The following ARID4B variants were observed in gnomAD, a reference collection of about 807,000 sequenced individuals.
ARID4B encodes AT-rich interaction domain 4B, also known as AT-rich interactive domain-containing protein 4B.
ARID4B carries 26 observed loss-of-function variants against 147.5 expected under a neutral mutation model. The observed-to-expected ratio is 0.18, with a 90% CI of 0.13 to 0.24. ARID4B has a LOEUF of 0.24. Among genes scored for constraint, ARID4B ranks in the 10% least tolerant of loss-of-function variants. ARID4B has a pLI of 1.00. For synonymous variants in ARID4B, 512 were observed against 507.9 expected (o/e 1.01, Z -0.11); for missense variants, 1,179 against 1,511.5 (o/e 0.78, Z 3.65).
At chr1:235,291,881 G>A (rs1208358227) in intron 2 of ARID4B, among the ~76,000 whole-genome samples, 2 of 152,188 alleles carry the variant, frequency 1.3e-5, no homozygotes, top group Non-Finnish European at 2.9e-5. Flanking sequence ...AAGGGTAGGA[G>A]AGATAGGGAA....
chr1:235,197,125 A>G (rs1317945415), intron 17 of ARID4B, among the ~76,000 whole-genome samples: 1 of 150,232 alleles, frequency 6.7e-6, no homozygotes, highest in Non-Finnish European at 1.5e-5. Context: ...GTTTAAAGCA[A>G]AAAAAAAAGA....
chr1:235,169,206 A>G (rs1034190776), intron 23 of ARID4B, among the ~76,000 whole-genome samples: 1 of 151,880 alleles, frequency 6.6e-6, no homozygotes, highest in African/African-American at 2.4e-5. Context: ...CATCAGAGGA[A>G]GTCTCTCACT....
intron 17 of ARID4B, among the ~76,000 whole-genome samples, chr1:235,208,675 T>TG (rs886231131): frequency 2.3e-4 from 30 of 131,920 alleles, no homozygotes; most frequent in Admixed American, 8.3e-4. Flanking sequence ...GCTAATTTTG[T>TG]GTTTTTTTTT....
At chr1:235,307,008 A>T (rs1673618478) in intron 2 of ARID4B, among the ~76,000 whole-genome samples, 1 of 152,194 alleles carries the variant, frequency 6.6e-6, no homozygotes. Context: ...CCTCCCCTTC[A>T]CTACCTCCAT....
chr1:235,169,647 T>C (rs1021470658), intron 23 of ARID4B, among the ~76,000 whole-genome samples: 4 of 150,404 alleles, frequency 2.7e-5, no homozygotes, highest in Non-Finnish European at 5.9e-5. Flanking sequence ...GCCATTCTCC[T>C]GCCTCAGCCT....
intron 5 of ARID4B, among the ~76,000 whole-genome samples, chr1:235,255,265 A>AGATAGATAGATAGATCTATCTATCTATC: frequency 1.5e-5 from 1 of 64,586 alleles, no homozygotes; most frequent in African/African-American, 6.9e-5. Context: ...ATAGATAGAT[A>AGATAGATAGATAGATCTATCTATCTATC]TATATCTCTC....
intron 17 of ARID4B, among the ~76,000 whole-genome samples, chr1:235,212,599 T>C (rs551369963): frequency 6.6e-6 from 1 of 152,266 alleles, no homozygotes; most frequent in Non-Finnish European, 1.5e-5. Flanking sequence ...CAACAAAAAA[T>C]TTAAGAAACA....
intron 2 of ARID4B, among the ~76,000 whole-genome samples, chr1:235,275,401 A>T (rs186882955): frequency 1.8e-3 from 268 of 152,274 alleles, no homozygotes; most frequent in Non-Finnish European, 2.8e-3. Flanking sequence ...GCACAGGGAG[A>T]AGTAGAGAAA....
rs1663042816 is a variant in ARID4B, at chr1:235,167,359, A to G, written c.*1166T>C. The G allele has an allele frequency of 4.5e-6, 1 of 221,442 alleles. No individual in the cohort carries two copies. The highest frequency in any genetic ancestry group is 2.2e-5 in the African/African-American group (1 of 44,666). The allele number at this position is 221,442 out of a possible 1,614,324, so 13.7% of individuals were successfully genotyped here. ...AATAGCTTGAATGAACACATCCACA[A>G]TATACAAATGTCTTACAAAGGTGAA... On this transcript the variant is annotated 3_prime_UTR_variant, in exon 24 of 24. Transcript: ENST00000264183.
intron 7 of ARID4B, among the ~76,000 whole-genome samples, chr1:235,245,027 A>G (rs1669214874): frequency 6.6e-6 from 1 of 152,186 alleles, no homozygotes; most frequent in Non-Finnish European, 1.5e-5. Context: ...CGTGGTAGAG[A>G]AGGGCAAGGA....
intron 2 of ARID4B, among the ~76,000 whole-genome samples, chr1:235,263,769 C>T (rs1427739151): frequency 2.6e-5 from 4 of 151,476 alleles, no homozygotes; most frequent in African/African-American, 7.3e-5. Context: ...GGGCGGATCA[C>T]GAGGTCAGGA....
At chr1:235,231,446 G>C (rs1252805693) in intron 9 of ARID4B, among the ~76,000 whole-genome samples, 3 of 152,102 alleles carry the variant, frequency 2.0e-5, no homozygotes, top group Admixed American at 1.3e-4. Flanking sequence ...CCAAATACCA[G>C]AGTCCCCTGC....
intron 3 of ARID4B, among the ~76,000 whole-genome samples, chr1:235,260,266 T>C (rs1286917325): frequency 1.3e-5 from 2 of 152,294 alleles, no homozygotes; most frequent in African/African-American, 4.8e-5. Context: ...TGATGAACTA[T>C]GGTAGTTCCA....
At chr1:235,284,955 G>A (rs1490800024) in intron 2 of ARID4B, among the ~76,000 whole-genome samples, 2 of 151,994 alleles carry the variant, frequency 1.3e-5, no homozygotes, top group African/African-American at 4.8e-5. Flanking sequence ...CCAGGCTGCA[G>A]TTCAGTGGTG....
At chr1:235,239,878 T>C (rs529441972) in intron 8 of ARID4B, among the ~76,000 whole-genome samples, 7 of 152,264 alleles carry the variant, frequency 4.6e-5, no homozygotes, top group Admixed American at 2.0e-4. Flanking sequence ...TAATGTATAA[T>C]TGCAGTCATG....
chr1:235,286,817 T>C (rs1672003948), intron 2 of ARID4B, among the ~76,000 whole-genome samples: 1 of 152,086 alleles, frequency 6.6e-6, no homozygotes, highest in Non-Finnish European at 1.5e-5. Context: ...AATGTACAAA[T>C]ACAAGGCTGA....
intron 8 of ARID4B, among the ~76,000 whole-genome samples, chr1:235,236,857 TA>T (rs1237811091): frequency 6.6e-4 from 29 of 43,910 alleles, no homozygotes; most frequent in Non-Finnish European, 1.1e-3. Context: ...TATATATATA[TA>T]TATATTTTTT....
chr1:235,188,310 A>G (rs1255803277), intron 19 of ARID4B, among the ~76,000 whole-genome samples: 2 of 152,240 alleles, frequency 1.3e-5, no homozygotes, highest in African/African-American at 4.8e-5. Flanking sequence ...GCTAAACCTC[A>G]TACCAGCAGT....
chr1:235,254,791 C>A (rs1400364027), intron 5 of ARID4B, among the ~76,000 whole-genome samples: 1 of 151,902 alleles, frequency 6.6e-6, no homozygotes, highest in East Asian at 1.9e-4. Flanking sequence ...GGAGAAAACA[C>A]AAATGAAATT....
Sources: gnomAD v4.1 joint callset for allele counts (sites outside exome capture counted in the v4.1 genomes callset) on GRCh38, gnomAD v4.1.1 for gene constraint, MANE v1.5 for transcripts, NCBI Gene and HGNC (gene_info 2026-07-23, HGNC 2026-07-21) for gene names.